Variants in CSMD1 observed in about 807,000 individuals in gnomAD.
The protein encoded by CSMD1 is CUB and Sushi multiple domains 1.
Under a neutral mutation model 417.5 loss-of-function variants are expected in CSMD1, and 213 were observed. The observed-to-expected ratio is 0.51, with a 90% CI of 0.46 to 0.57. The LOEUF is 0.57. Among genes scored for constraint, CSMD1 ranks in the 20% least tolerant of loss-of-function variants. The pLI, the probability that CSMD1 is intolerant of heterozygous loss-of-function variation, is 0.00. For synonymous variants in CSMD1, 2,862 were observed against 1,736.8 expected (o/e 1.65, Z -16.11); for missense variants, 6,923 against 4,529.7 (o/e 1.53, Z -15.17).
At position 3,406,089 on chromosome 8, in the gene CSMD1, G is replaced by C; in HGVS notation, c.2204C>G (p.Ser735Cys). Residue 735 changes from serine to cysteine, a missense_variant, in exon 15 of 70, where the codon TCC (serine) becomes TGC (cysteine). Coordinates refer to ENST00000635120, the MANE Select transcript of CSMD1 (RefSeq NM_033225.6). ...DGFVKTQGSE[S>C]ITCILQDGNV... is the part of the protein sequence containing the mutation. ...CCCGTCTTGCAGTATGCAGGTAATG[G>C]ACTCGGATCCCTGGGTCTTGACAAA... 1.2e-6 allele frequency: 2 copies of C among 1,613,956 alleles called. No homozygotes were observed. The highest frequency in any genetic ancestry group is 2.2e-5 in the South Asian group (2 of 91,080).
At chr8:4,652,481 T>G (rs1202102026) in intron 1 of CSMD1, among the ~76,000 whole-genome samples, 1 of 151,986 alleles carries the variant, frequency 6.6e-6, no homozygotes, top group Admixed American at 6.6e-5. Context: ...AAAGAACCAC[T>G]GTGCCGAGCC....
intron 5 of CSMD1, among the ~76,000 whole-genome samples, chr8:3,922,437 A>G (rs1029648750): frequency 2.0e-5 from 3 of 152,094 alleles, no homozygotes; most frequent in Admixed American, 6.6e-5. Flanking sequence ...GGACTGTTTC[A>G]TCATTAATAT....
chr8:4,054,373 A>G (rs1316080142), intron 3 of CSMD1, among the ~76,000 whole-genome samples: 1 of 152,174 alleles, frequency 6.6e-6, no homozygotes, highest in East Asian at 1.9e-4. Flanking sequence ...TTCATCCCAT[A>G]TAGGGGATGG....
At chr8:4,050,452 C>T (rs574813761) in intron 3 of CSMD1, among the ~76,000 whole-genome samples, 2 of 151,980 alleles carry the variant, frequency 1.3e-5, no homozygotes, top group Non-Finnish European at 1.5e-5. Flanking sequence ...TTATGGGGTA[C>T]ATATTTTGAT....
At chr8:3,575,106 G>A (rs944094197) in intron 9 of CSMD1, 40 bp from the exon 10 acceptor site, 3 of 1,598,540 alleles carry the variant, frequency 1.9e-6, no homozygotes, top group African/African-American at 2.7e-5. Context: ...CTACAACATT[G>A]TGTCAGTTTG....
At chr8:4,856,435 T>G (rs1207425125) in intron 1 of CSMD1, among the ~76,000 whole-genome samples, 1 of 141,770 alleles carries the variant, frequency 7.1e-6, no homozygotes, top group African/African-American at 2.9e-5. Context: ...TAAATGTCAA[T>G]GGACTAAATG....
chr8:3,615,131 G>A (rs941598780), intron 8 of CSMD1, among the ~76,000 whole-genome samples: 5 of 152,086 alleles, frequency 3.3e-5, no homozygotes. Flanking sequence ...GCTGCCAGCT[G>A]GTGCATCCAC....
chr8:3,713,218 G>C (rs1403310788), intron 6 of CSMD1, among the ~76,000 whole-genome samples: 1 of 152,046 alleles, frequency 6.6e-6, no homozygotes, highest in African/African-American at 2.4e-5. Context: ...ATTTACTTTA[G>C]TTTTCCTTTT....
chr8:4,328,610 T>A (rs1185638591), intron 3 of CSMD1, among the ~76,000 whole-genome samples: 2 of 152,094 alleles, frequency 1.3e-5, no homozygotes, highest in East Asian at 3.9e-4. Context: ...TCATTTTGTT[T>A]TGAAATATTT....
intron 7 of CSMD1, among the ~76,000 whole-genome samples, chr8:3,637,669 T>C (rs940346756): frequency 2.0e-5 from 3 of 152,200 alleles, no homozygotes; most frequent in Non-Finnish European, 2.9e-5. Context: ...AACAATCATA[T>C]GAAACAGGAT....
chr8:4,495,665 G>GT, intron 2 of CSMD1, among the ~76,000 whole-genome samples: 1 of 152,276 alleles, frequency 6.6e-6, no homozygotes, highest in East Asian at 1.9e-4. Context: ...AGATAAAAAT[G>GT]TAAGTAAAAT....
chr8:3,533,836 G>A lies in CSMD1; in HGVS notation c.1345-40110C>T, dbSNP rs191610551. ...TTCACTTTTTTTCTCCCAAGTAGCT[G>A]TACAGTTAGAGATCTTAGTCTGTAG... On this transcript the variant is annotated intron_variant, in intron 10 of 69. Transcript: ENST00000635120. 1.6e-3 allele frequency among the ~76,000 whole-genome samples: 245 copies of A among 152,204 alleles called. 1 individual carries two copies. Among genetic ancestry groups the A allele is most frequent in the Non-Finnish European group, 2.9e-3 (195 of 68,010 alleles).
At chr8:4,575,446 C>T (rs1035475018) in intron 2 of CSMD1, among the ~76,000 whole-genome samples, 4 of 152,068 alleles carry the variant, frequency 2.6e-5, no homozygotes, top group African/African-American at 7.3e-5. Context: ...GTGTAACATC[C>T]GGCAGGTCAT....
chr8:4,840,378 C>G (rs1213368746), intron 1 of CSMD1, among the ~76,000 whole-genome samples: 1 of 152,212 alleles, frequency 6.6e-6, no homozygotes, highest in Non-Finnish European at 1.5e-5. Context: ...TAGCCGATTA[C>G]TTGCTACTAA....
intron 50 of CSMD1, among the ~76,000 whole-genome samples, chr8:3,046,616 G>A (rs909606153): frequency 1.3e-5 from 2 of 152,140 alleles, no homozygotes; most frequent in Admixed American, 1.3e-4. Flanking sequence ...CCACGGTACA[G>A]TGTACCCCCA....
At chr8:4,978,921 G>C (rs1810718230) in intron 1 of CSMD1, among the ~76,000 whole-genome samples, 1 of 152,212 alleles carries the variant, frequency 6.6e-6, no homozygotes, top group Non-Finnish European at 1.5e-5. Context: ...CTGGGCGACA[G>C]AGCTATTGGG....
At chr8:3,412,870 C>T (rs1178433621) in intron 12 of CSMD1, among the ~76,000 whole-genome samples, 2 of 152,192 alleles carry the variant, frequency 1.3e-5, no homozygotes, top group Non-Finnish European at 2.9e-5. Flanking sequence ...GAGTTCAAAA[C>T]GCTGCATGGT....
chr8:4,855,438 AG>A (rs1182171046), intron 1 of CSMD1, among the ~76,000 whole-genome samples: 2 of 152,194 alleles, frequency 1.3e-5, no homozygotes, highest in Non-Finnish European at 2.9e-5. Context: ...AGCTGAGAGA[AG>A]AAGGCTTCAG....
intron 5 of CSMD1, among the ~76,000 whole-genome samples, chr8:3,993,144 A>C (rs557030549): frequency 6.6e-6 from 1 of 152,350 alleles, no homozygotes; most frequent in East Asian, 1.9e-4. Context: ...CAATAATTAC[A>C]CTATGGTTAT....
Sources: gnomAD v4.1 joint callset for allele counts (sites outside exome capture counted in the v4.1 genomes callset) on GRCh38, gnomAD v4.1.1 for gene constraint, MANE v1.5 for transcripts, NCBI Gene and HGNC (gene_info 2026-07-23, HGNC 2026-07-21) for gene names.